The following FLNA variants were observed in gnomAD, a reference collection of about 807,000 sequenced individuals.
FLNA encodes the protein filamin A, also known as filamin-A.
A neutral mutation model predicts 157.6 loss-of-function variants in FLNA; 7 were observed. That is an observed-to-expected ratio of 0.04 (90% CI 0.03 to 0.08). The LOEUF (loss-of-function observed/expected upper bound fraction) is 0.08, where lower values mean the gene tolerates loss of function less well. Ranked by LOEUF, FLNA falls within the 10% of genes least tolerant of loss-of-function variation. The pLI, the probability that FLNA is intolerant of heterozygous loss-of-function variation, is 1.00. For synonymous variants in FLNA, 1,103 were observed against 1,060.8 expected, an observed-to-expected ratio of 1.04 and a Z score of -0.77; for missense variants, 1,750 against 2,398.4, an observed-to-expected ratio of 0.73 and a Z score of 5.65.
chrX:154,373,151 C>T (rs782029217), intron 1 of FLNA, among the ~76,000 whole-genome samples: 1 of 112,478 alleles, frequency 8.9e-6, no homozygotes, highest in Non-Finnish European at 1.9e-5. Context: ...CTGCACGGGC[C>T]CCATTCAAGA....
At position 154,366,541 on chromosome X, in the gene FLNA, C is replaced by T. The variant is rs782526381; in HGVS notation, c.1065+21G>A. On this transcript the variant is annotated intron_variant, in intron 7 of 47. Coordinates refer to ENST00000369850, the MANE Select transcript of FLNA (RefSeq NM_001110556.2). ...AGCCACTGCCTGAGGTCACAAGCCT[C>T]CCCCCTGGCCAAGGGCTCACCTTAT... is the stretch of plus-strand genomic sequence containing the variant. 2.0e-5 allele frequency: 24 copies of T among 1,205,569 alleles called. No homozygotes were observed. In the South Asian group the frequency reaches 2.6e-4, roughly 13 times the overall value.
chrX:154,359,203 C>T (rs782426775), intron 25 of FLNA, 43 bp downstream of exon 25: 15 of 1,209,500 alleles, frequency 1.2e-5, no homozygotes, highest in African/African-American at 8.7e-5. Context: ...AGGGTGGGGA[C>T]GAGCAGACAG....
rs782011518 is a variant in FLNA at position 154,353,005 on chromosome X, A to G, written c.6222T>C (p.Asp2074=). The G allele has an allele frequency of 3.1e-5, 38 of 1,209,200 alleles. No homozygotes were observed. The highest frequency in any genetic ancestry group is 3.8e-5 in the Non-Finnish European group (34 of 894,321). ...EPAEFIIDTR[D]AGYGGLSLSI... ...TGGTGGGCAGCCACTGCCTACCTGC[A>G]TCGCGGGTATCAATGATAAACTCTG... The change falls in exon 38 of 48, where the codon GAT becomes GAC. Residue 2074 remains aspartate, a synonymous_variant. Transcript: ENST00000369850.
chrX:154,356,824 G>A (rs2067666739), intron 30 of FLNA, among the ~76,000 whole-genome samples: 1 of 112,601 alleles, frequency 8.9e-6, no homozygotes, highest in East Asian at 2.8e-4. Context: ...GCCCCTGGAA[G>A]GTGGGGATGG....
chrX:154,361,046 C>CAAAA lies in FLNA; in HGVS notation c.3207+258_3207+261dup, dbSNP rs59672916. ...TGGGCGACAGAGTGAGACTCTTTCT[C>CAAAA]AAAAAAAAAAAAAAAAAAAAAAAAA... is the stretch of plus-strand genomic sequence containing the variant. On this transcript the variant is annotated intron_variant, in intron 21 of 47. Transcript: ENST00000369850. 0.029 allele frequency among the ~76,000 whole-genome samples: 572 copies of CAAAA among 20,043 alleles called. 27 individuals are homozygous for CAAAA. In the Middle Eastern group the frequency reaches 0.33, roughly 12 times the overall value. The allele number at this position is 20,043 out of a possible 115,157, so 17.4% of individuals were successfully genotyped here.
At chrX:154,360,672 G>A in intron 21 of FLNA, 85 bp from the exon 22 acceptor site, 1 of 902,116 alleles carries the variant, frequency 1.1e-6, no homozygotes, top group Non-Finnish European at 1.6e-6. Context: ...GCCTCCCCTT[G>A]CCCTGGCTTC....
At chrX:154,362,367 G>A (rs782147269) in intron 17 of FLNA, 35 bp from the exon 18 acceptor site, 7 of 1,207,710 alleles carry the variant, frequency 5.8e-6, no homozygotes, top group Non-Finnish European at 7.8e-6. Flanking sequence ...CTTAGAGGAG[G>A]GCAGACGTCA....
rs863223641 is a variant in FLNA, at chrX:154,367,964, G to T, written c.500C>A (p.Thr167Asn). 2.5e-6 allele frequency: 3 copies of T among 1,211,345 alleles called. No individual in the cohort carries two copies. Among genetic ancestry groups the T allele is most frequent in the Non-Finnish European group, 3.4e-6 (3 of 895,304 alleles). The change falls in exon 3 of 48, where the codon ACC becomes AAC. Residue 167 changes from threonine to asparagine, a missense_variant. Coordinates refer to ENST00000369850, the MANE Select transcript of FLNA (RefSeq NM_001110556.2). ...CCAGCCCAGGAGCCTCTGCTTGGGG[G>T]TCTGCTTCTTGGCCTCCTCATCCTC... The part of the protein sequence containing the change: ...EEEDEEAKKQ[T>N]PKQRLLGWIQ...
In FLNA at chrX:154,368,100, G is replaced by A. The variant is rs782709382; in HGVS notation, c.374-10C>T. ...ACGATGGCCTTGCTGTCTGTGAGTA[G>A]AAGAGTGGCCACGCTGGGCACACGG... On this transcript the variant is annotated splice_polypyrimidine_tract_variant and intron_variant, in intron 2 of 47. Transcript: ENST00000369850. The A allele has an allele frequency of 1.7e-6, 2 of 1,210,915 alleles. No individual in the cohort carries two copies. The highest frequency in any genetic ancestry group is 2.2e-5 in the Admixed American group (1 of 46,080).
At chrX:154,351,485 G>A in intron 43 of FLNA, 96 bp downstream of exon 43, 1 of 589,368 alleles carries the variant, frequency 1.7e-6, no homozygotes, top group Non-Finnish European at 2.9e-6. Flanking sequence ...GGGCCAGGGG[G>A]GTCACTGAAC....
chrX:154,353,904 C>A lies in FLNA; in HGVS notation c.5686+11G>T, dbSNP rs781840271. 2 of 1,211,989 alleles carry A rather than the reference C, an allele frequency of 1.7e-6. No homozygotes were observed. The highest frequency in any genetic ancestry group is 3.0e-5 in the East Asian group (1 of 33,868). On this transcript the variant is annotated intron_variant, in intron 35 of 47. Coordinates refer to ENST00000369850, the MANE Select transcript of FLNA (RefSeq NM_001110556.2). ...GGCACAGAGCAGGTCAAGACCAGAG[C>A]TATTGCTCACCCTCTCCTGCATCCT...
chrX:154,374,339 A>C (rs1455554457), intron 1 of FLNA, among the ~76,000 whole-genome samples, 167 bp downstream of exon 1: 1 of 112,469 alleles, frequency 8.9e-6, no homozygotes, highest in Non-Finnish European at 1.9e-5. Context: ...CCCAGATGCC[A>C]GGGGAGCCTC....
chrX:154,359,657 G>A lies in FLNA; in HGVS notation c.3980-11C>T, dbSNP rs1557177566. 8 of 1,209,521 alleles carry A rather than the reference G, an allele frequency of 6.6e-6. No individual in the cohort carries two copies. The East Asian group carries it at 8.9e-5, about 13-fold the overall frequency. On this transcript the variant is annotated splice_polypyrimidine_tract_variant and intron_variant, in intron 23 of 47. Transcript: ENST00000369850. ...CCACGGAGTGCAGTCCTGGAGGAGT[G>A]CAGGCCAGGTCAGGAGGAGCCCGGG...
At chrX:154,355,191 C>CTGGCG in intron 30 of FLNA, 119 bp from the exon 31 acceptor site, 7 of 784,039 alleles carry the variant, frequency 8.9e-6, no homozygotes, top group Non-Finnish European at 1.3e-5. Flanking sequence ...ACAGCCAGGC[C>CTGGCG]GCCAGGCCTC....
chrX:154,354,684 G>C lies in FLNA; in HGVS notation c.5245C>G (p.Gln1749Glu). The C allele has an allele frequency of 8.3e-7, 1 of 1,207,283 alleles. No homozygotes were observed. Among genetic ancestry groups the C allele is most frequent in the Admixed American group, 2.2e-5 (1 of 45,728 alleles). ...TALAGDQPSVQPPLRSQQLAP... is the reference protein window; with the variant it reads ...TALAGDQPSVEPPLRSQQLAP... ...AGCTGCTGAGACCGTAGAGGGGGCT[G>C]CACCGAGGGCTGGTCCCCAGCCAGA... The change falls in exon 32 of 48, where the codon CAG (glutamine) becomes GAG (glutamate). Residue 1749 changes from glutamine (Q) to glutamate (E), a missense_variant. By Grantham distance (29) the Gln-to-Glu change is conservative. Around this residue, in one of 5 missense-constraint regions of FLNA, gnomAD observed 970 missense variants for 1,302.6 expected, o/e 0.74. Coordinates refer to ENST00000369850, the MANE Select transcript of FLNA (RefSeq NM_001110556.2).
At chrX:154,356,346 A>G (rs903187588) in intron 30 of FLNA, among the ~76,000 whole-genome samples, 1 of 111,384 alleles carries the variant, frequency 9.0e-6, no homozygotes, top group Non-Finnish European at 1.9e-5. Context: ...GTAGCCAGGG[A>G]AACTGAGGTT....
At position 154,364,727 on chromosome X, in the gene FLNA, C is replaced by T. The variant is rs782287295; in HGVS notation, c.1829-8G>A. ...GCCCTTCCACCGAGAAGCCTGACAA[C>T]AGCCACCAGTCCCCTCAGTGCCCTG... On this transcript the variant is annotated splice_polypyrimidine_tract_variant and splice_region_variant and intron_variant, in intron 12 of 47. Transcript: ENST00000369850. 3.3e-6 allele frequency: 4 copies of T among 1,210,238 alleles called. No individual in the cohort carries two copies. The highest frequency in any genetic ancestry group is 4.3e-5 in the Admixed American group (2 of 46,049).
Position 154,357,560 on chromosome X carries a change from C to T in FLNA, c.4819G>A (p.Ala1607Thr). The T allele has an allele frequency of 8.3e-7, 1 of 1,211,753 alleles. No individual in the cohort carries two copies. The highest frequency in any genetic ancestry group is 1.1e-6 in the Non-Finnish European group (1 of 895,212). ...CGACCTGTCACGTCTGGCACGTAGG[C>T]CACTGTATACGTGCCGTCATGGTTG... The part of the protein sequence containing the change: ...QDNHDGTYTV[A>T]YVPDVTGRYT... Residue 1607 changes from alanine (A) to threonine (T), a missense_variant, in exon 29 of 48, where the codon GCC becomes ACC. Transcript: ENST00000369850.
intron 9 of FLNA, 60 bp from the exon 10 acceptor site, chrX:154,365,546 T>A (rs1187311592): frequency 7.7e-6 from 9 of 1,173,161 alleles, no homozygotes; most frequent in Non-Finnish European, 9.2e-6. Context: ...CTCCCTTGCC[T>A]CCCACAGGGC....
Sources: allele counts gnomAD v4.1 joint callset (sites outside exome capture counted in the v4.1 genomes callset), GRCh38; gene constraint gnomAD v4.1.1; regional missense constraint gnomAD v4.1.1; transcripts MANE v1.5; gene names NCBI Gene and HGNC (gene_info 2026-07-23, HGNC 2026-07-21).